SPTBN1: variants seen among roughly 807,000 people sequenced by gnomAD.
SPTBN1 encodes spectrin beta chain, non-erythrocytic 1.
In SPTBN1, 32 loss-of-function variants were observed where a neutral mutation model predicts 266.4. The observed-to-expected ratio is 0.12, with a 90% CI of 0.09 to 0.16. SPTBN1 has a LOEUF of 0.16. Ranked by LOEUF, SPTBN1 falls within the 10% of genes least tolerant of loss-of-function variation. The probability of loss-of-function intolerance (pLI) is 1.00; values close to 1 mark genes in which losing one functional copy is unlikely to be tolerated. For synonymous variants in SPTBN1, 1,336 were observed against 1,162.2 expected, an observed-to-expected ratio of 1.15 and a Z score of -3.04; for missense variants, 2,296 against 3,067.1, an observed-to-expected ratio of 0.75 and a Z score of 5.94.
chr2:54,580,600 C>CAAA (rs5831313), intron 2 of SPTBN1, among the ~76,000 whole-genome samples: 44 of 137,984 alleles, frequency 3.2e-4, no homozygotes, highest in African/African-American at 1.1e-3. Context: ...ACACTTTAAC[C>CAAA]AAAAAAAAAA....
At chr2:54,538,864 G>A (rs1481650339) in intron 2 of SPTBN1, among the ~76,000 whole-genome samples, 1 of 152,198 alleles carries the variant, frequency 6.6e-6, no homozygotes, top group Non-Finnish European at 1.5e-5. Context: ...TGAAGTCGGA[G>A]ATGCCGGGCC....
intron 29 of SPTBN1, among the ~76,000 whole-genome samples, 171 bp downstream of exon 29, chr2:54,656,169 C>G (rs1452427964): frequency 6.6e-6 from 1 of 152,204 alleles, no homozygotes; most frequent in Admixed American, 6.5e-5. Context: ...TAAGAAGCTT[C>G]CTATGGCGTA....
chr2:54,599,272 T>A, intron 3 of SPTBN1, 29 bp downstream of exon 3: 2 of 1,602,362 alleles, frequency 1.2e-6, no homozygotes, highest in Non-Finnish European at 1.7e-6. Flanking sequence ...AAGTGCCGTG[T>A]GTTGTAGGTG....
At position 54,671,183 on chromosome 2, in the gene SPTBN1, A is replaced by C. The variant is rs1681671006; in HGVS notation, c.*2614A>C. 5.9e-6 allele frequency: 1 copy of C among 168,974 alleles called. No individual in the cohort carries two copies. The highest frequency in any genetic ancestry group is 6.4e-5 in the Admixed American group (1 of 15,704). The allele number at this position is 168,974 out of a possible 1,614,324, so 10.5% of individuals were successfully genotyped here. ...CTTTTTGTCCTACTTGAGCATCTCA[A>C]GTTGGGATGCATCTTCTGATGGCAC... is the stretch of plus-strand genomic sequence containing the variant. On this transcript the variant is annotated 3_prime_UTR_variant, in exon 36 of 36. Transcript: ENST00000356805.
At chr2:54,490,064 A>G (rs1668604280) in intron 1 of SPTBN1, among the ~76,000 whole-genome samples, 1 of 147,634 alleles carries the variant, frequency 6.8e-6, no homozygotes, top group Admixed American at 6.9e-5. Context: ...CAGAGAATGG[A>G]AAACAAGTTT....
intron 1 of SPTBN1, among the ~76,000 whole-genome samples, chr2:54,523,207 G>A (rs1573330414): frequency 6.6e-6 from 1 of 152,148 alleles, no homozygotes; most frequent in African/African-American, 2.4e-5. Context: ...ATACTTACTC[G>A]ATTAGATTTC....
intron 4 of SPTBN1, among the ~76,000 whole-genome samples, chr2:54,614,937 C>G (rs1284140054): frequency 1.3e-5 from 2 of 152,138 alleles, no homozygotes; most frequent in Non-Finnish European, 2.9e-5. Context: ...ATACCCTTCA[C>G]ACAGAAGTAT....
chr2:54,618,944 C>T (rs1230391635), intron 7 of SPTBN1, among the ~76,000 whole-genome samples: 1 of 152,162 alleles, frequency 6.6e-6, no homozygotes, highest in Non-Finnish European at 1.5e-5. Context: ...AGTTCCCTTG[C>T]TTAATAAAAT....
intron 7 of SPTBN1, among the ~76,000 whole-genome samples, chr2:54,620,979 G>A (rs544613329): frequency 6.6e-6 from 1 of 152,258 alleles, no homozygotes; most frequent in South Asian, 2.1e-4. Context: ...TCTGAAACAT[G>A]AGTGACAATA....
intron 1 of SPTBN1, among the ~76,000 whole-genome samples, chr2:54,471,120 A>C (rs1425933774): frequency 1.3e-5 from 2 of 152,106 alleles, no homozygotes; most frequent in African/African-American, 4.8e-5. Context: ...GGGGTGGCTC[A>C]TGCCTGTAAT....
rs777944212 is a variant in SPTBN1 at position 54,649,028 on chromosome 2, C to T, written c.5040C>T (p.Tyr1680=). ...SMRQSKVDKL[Y]AGLKDLAEER... is the part of the protein sequence containing the mutation. ...GGCAGTCCAAAGTGGATAAACTGTA[C>T]GCTGGTCTGAAAGACCTTGCTGAAG... The change falls in exon 25 of 36, where the codon TAC becomes TAT. Residue 1680 remains tyrosine (Y), a synonymous_variant. Coordinates refer to ENST00000356805, the MANE Select transcript of SPTBN1 (RefSeq NM_003128.3). This position sits in a 1 kb window ranked among gnomAD's most constrained non-coding sequence, Gnocchi z 6.7. The T allele has an allele frequency of 4.7e-5, 76 of 1,613,984 alleles. No homozygotes were observed. Among genetic ancestry groups the T allele is most frequent in the South Asian group, 2.1e-4 (19 of 91,022 alleles).
chr2:54,653,868 C>T lies in SPTBN1; in HGVS notation c.5822+15C>T. On this transcript the variant is annotated intron_variant, in intron 27 of 35. Coordinates refer to ENST00000356805, the MANE Select transcript of SPTBN1 (RefSeq NM_003128.3). The surrounding 1 kb of genome is among the most constrained non-coding windows in gnomAD (Gnocchi z 5.1). Reference sequence around the variant, plus strand: ...GAGAAGCCAAGGTAACGCTTTCAGCCCAAAGGAAATTGGACTTATTGGCGC... The same window carrying T: ...GAGAAGCCAAGGTAACGCTTTCAGCTCAAAGGAAATTGGACTTATTGGCGC... The T allele has an allele frequency of 2.5e-6, 4 of 1,601,266 alleles. No individual in the cohort carries two copies. Among genetic ancestry groups the T allele is most frequent in the Non-Finnish European group, 3.4e-6 (4 of 1,176,944 alleles).
chr2:54,467,248 G>A (rs1693683332), intron 1 of SPTBN1, among the ~76,000 whole-genome samples: 1 of 152,034 alleles, frequency 6.6e-6, no homozygotes, highest in Admixed American at 6.5e-5. Context: ...ATTTTTTTGG[G>A]GGTGGGGGGG....
chr2:54,627,922 T>G (rs1340577604), intron 12 of SPTBN1, among the ~76,000 whole-genome samples, 175 bp from the exon 13 acceptor site: 1 of 152,140 alleles, frequency 6.6e-6, no homozygotes, highest in Admixed American at 6.5e-5. Flanking sequence ...CCTTCAGGTA[T>G]GATTTGTTTT....
At chr2:54,661,780 A>T in intron 32 of SPTBN1, 1 of 985,406 alleles carries the variant, frequency 1.0e-6, no homozygotes, top group Non-Finnish European at 1.2e-6. Context: ...ATCAGGACTG[A>T]CACCCAATTT....
intron 2 of SPTBN1, among the ~76,000 whole-genome samples, chr2:54,550,450 G>C (rs1672502631): frequency 6.6e-6 from 1 of 152,162 alleles, no homozygotes; most frequent in African/African-American, 2.4e-5. Context: ...CTGCAACTGG[G>C]TAATCGGTAC....
chr2:54,521,704 G>T (rs1441870501), intron 1 of SPTBN1, among the ~76,000 whole-genome samples: 2 of 151,996 alleles, frequency 1.3e-5, no homozygotes, highest in Non-Finnish European at 2.9e-5. Context: ...AGTGAAGAAG[G>T]GTTGGGAGGG....
chr2:54,618,199 G>T lies in SPTBN1; in HGVS notation c.763+6G>T, dbSNP rs935254672. 2 of 1,611,890 alleles carry T rather than the reference G, an allele frequency of 1.2e-6. No individual in the cohort carries two copies. Among genetic ancestry groups the T allele is most frequent in the African/African-American group, 1.3e-5 (1 of 74,994 alleles). On this transcript the variant is annotated splice_donor_region_variant and intron_variant, in intron 7 of 35. Transcript: ENST00000356805. ...TAAACTGTTGGACCCCGAAGGTAGGGACTCAAGGGATTACAGGTGGGATTT... is the reference window on the plus strand; with the variant it reads ...TAAACTGTTGGACCCCGAAGGTAGGTACTCAAGGGATTACAGGTGGGATTT...
intron 2 of SPTBN1, among the ~76,000 whole-genome samples, chr2:54,562,548 G>C (rs1294555936): frequency 9.6e-5 from 1 of 10,388 alleles, no homozygotes; most frequent in African/African-American, 2.1e-3. Flanking sequence ...TTTTTTTTGA[G>C]GCAAGGTCTG....
Sources: gnomAD v4.1 joint callset for allele counts (sites outside exome capture counted in the v4.1 genomes callset) on GRCh38, gnomAD v4.1.1 for gene constraint, Gnocchi (gnomAD v3.1) non-coding constraint, MANE v1.5 for transcripts, NCBI Gene and HGNC (gene_info 2026-07-23, HGNC 2026-07-21) for gene names.